Variants in CSMD1 observed in about 807,000 individuals in gnomAD.
CSMD1 encodes CUB and sushi domain-containing protein 1.
CSMD1 carries 213 observed loss-of-function variants against 417.5 expected under a neutral mutation model. That is an observed-to-expected ratio of 0.51 (90% confidence interval 0.46 to 0.57). The LOEUF is 0.57. CSMD1 is among the 20% of genes least tolerant of loss of function. The pLI is 0.00. For missense variants in CSMD1, 6,923 were observed against 4,529.7 expected (o/e 1.53, Z -15.17); for synonymous variants, 2,862 against 1,736.8 (o/e 1.65, Z -16.11).
intron 52 of CSMD1, among the ~76,000 whole-genome samples, chr8:3,014,440 T>A (rs1808667778): frequency 6.6e-6 from 1 of 152,208 alleles, no homozygotes; most frequent in Admixed American, 6.6e-5. Flanking sequence ...ACAATCACAC[T>A]GGATATGAGT....
chr8:4,534,872 C>G (rs1182032282), intron 2 of CSMD1, among the ~76,000 whole-genome samples: 1 of 152,160 alleles, frequency 6.6e-6, no homozygotes, highest in East Asian at 1.9e-4. Context: ...ATGTCACTCT[C>G]CTGCCTCAGC....
At chr8:4,181,634 ATTGCCTG>A (rs1798382698) in intron 3 of CSMD1, among the ~76,000 whole-genome samples, 3 of 152,178 alleles carry the variant, frequency 2.0e-5, no homozygotes, top group African/African-American at 7.2e-5. Context: ...TTTACATTCC[ATTGCCTG>A]TAAGAAAAGT....
At chr8:3,862,230 C>A (rs1261918000) in intron 5 of CSMD1, among the ~76,000 whole-genome samples, 3 of 152,164 alleles carry the variant, frequency 2.0e-5, no homozygotes, top group Non-Finnish European at 4.4e-5. Flanking sequence ...ACTGCCTTAA[C>A]CTACCTCATA....
At chr8:4,455,435 A>AG (rs1187691064) in intron 2 of CSMD1, among the ~76,000 whole-genome samples, 40 of 152,286 alleles carry the variant, frequency 2.6e-4, no homozygotes, top group African/African-American at 8.7e-4. Flanking sequence ...CAAATGATGG[A>AG]GAAATGATAC....
chr8:3,188,934 A>C lies in CSMD1; in HGVS notation c.5476T>G (p.Leu1826Val), dbSNP rs1311813336. The C allele has an allele frequency of 1.2e-6, 2 of 1,610,338 alleles. No homozygotes were observed. Among genetic ancestry groups the C allele is most frequent in the Non-Finnish European group, 1.7e-6 (2 of 1,178,300 alleles). The change falls in exon 35 of 70, where the codon TTG becomes GTG. Residue 1826 changes from leucine (L) to valine (V), a missense_variant. Physicochemically the swap from Leu to Val is conservative, Grantham distance 32. Transcript: ENST00000635120. The part of the protein sequence containing the change: ...PGYPEPYGNN[L>V]NCIWKIIVTE... ...ACTATGATCTTCCATATACAGTTCA[A>C]GTTGTTTCCGTATGGCTCAGGGTAG...
intron 49 of CSMD1, among the ~76,000 whole-genome samples, chr8:3,078,254 T>G (rs772941430): frequency 2.6e-5 from 4 of 152,200 alleles, no homozygotes; most frequent in Non-Finnish European, 4.4e-5. Context: ...AAAATTACCC[T>G]TTTTGAACAC....
chr8:3,043,064 T>A (rs896856664), intron 50 of CSMD1, among the ~76,000 whole-genome samples: 8 of 151,292 alleles, frequency 5.3e-5, no homozygotes, highest in Non-Finnish European at 8.8e-5. Flanking sequence ...GTATATATAG[T>A]ACTATAATGC....
At chr8:4,105,350 G>A (rs926872039) in intron 3 of CSMD1, among the ~76,000 whole-genome samples, 2 of 148,580 alleles carry the variant, frequency 1.3e-5, no homozygotes, top group African/African-American at 2.5e-5. Flanking sequence ...TTTTTTTTAT[G>A]TTTATATGTG....
chr8:3,430,681 C>T (rs576937580), intron 12 of CSMD1, among the ~76,000 whole-genome samples: 1 of 152,160 alleles, frequency 6.6e-6, no homozygotes, highest in South Asian at 2.1e-4. Context: ...ATGGCAGGTG[C>T]CTGTAATCCC....
chr8:3,620,550 G>T (rs995574175), intron 7 of CSMD1, among the ~76,000 whole-genome samples: 4 of 152,150 alleles, frequency 2.6e-5, no homozygotes, highest in African/African-American at 4.8e-5. Flanking sequence ...TGTAAGGATT[G>T]AAGTTTTCGT....
intron 5 of CSMD1, among the ~76,000 whole-genome samples, chr8:3,894,328 C>T (rs529588104): frequency 8.5e-5 from 13 of 152,252 alleles, no homozygotes; most frequent in South Asian, 8.3e-4. Flanking sequence ...GAAAGCTTTG[C>T]TCTGGATTTT....
At chr8:3,875,497 G>A (rs931275929) in intron 5 of CSMD1, among the ~76,000 whole-genome samples, 1 of 152,078 alleles carries the variant, frequency 6.6e-6, no homozygotes, top group Non-Finnish European at 1.5e-5. Flanking sequence ...TCACTGGCAT[G>A]GAGAGGTGGA....
At chr8:3,585,508 G>T (rs1432627854) in intron 9 of CSMD1, among the ~76,000 whole-genome samples, 1 of 151,838 alleles carries the variant, frequency 6.6e-6, no homozygotes, top group African/African-American at 2.4e-5. Flanking sequence ...ATAATTTTCT[G>T]CTTTTCAATA....
chr8:3,671,038 G>GAT (rs1229769739), intron 7 of CSMD1, among the ~76,000 whole-genome samples: 3 of 111,656 alleles, frequency 2.7e-5, no homozygotes, highest in Non-Finnish European at 6.5e-5. Flanking sequence ...ATGCATATGG[G>GAT]ATATATATGT....
At chr8:4,929,729 T>C (rs377534236) in intron 1 of CSMD1, among the ~76,000 whole-genome samples, 3 of 152,260 alleles carry the variant, frequency 2.0e-5, no homozygotes, top group East Asian at 3.9e-4. Flanking sequence ...ACTTGACAAA[T>C]GGGGTGACAT....
chr8:3,646,364 C>T (rs1485442138), intron 7 of CSMD1, among the ~76,000 whole-genome samples: 1 of 152,010 alleles, frequency 6.6e-6, no homozygotes, highest in Non-Finnish European at 1.5e-5. Context: ...TATTTTCCAA[C>T]TTTTTTCTAT....
intron 1 of CSMD1, among the ~76,000 whole-genome samples, chr8:4,833,639 A>C (rs1800284099): frequency 6.6e-6 from 1 of 152,232 alleles, no homozygotes; most frequent in South Asian, 2.1e-4. Flanking sequence ...GTATCTCTGC[A>C]ACAGAGTAGA....
At chr8:3,095,789 G>C (rs186090050) in intron 47 of CSMD1, among the ~76,000 whole-genome samples, 1 of 152,094 alleles carries the variant, frequency 6.6e-6, no homozygotes, top group East Asian at 1.9e-4. Context: ...TTCACACAAA[G>C]AGAAATATTA....
At chr8:3,780,292 G>T (rs1469010543) in intron 5 of CSMD1, among the ~76,000 whole-genome samples, 8 of 152,200 alleles carry the variant, frequency 5.3e-5, no homozygotes, top group Non-Finnish European at 1.2e-4. Flanking sequence ...TGAGCAATTA[G>T]TTCGTATTCC....
Sources: allele counts gnomAD v4.1 joint callset (sites outside exome capture counted in the v4.1 genomes callset), GRCh38; gene constraint gnomAD v4.1.1; transcripts MANE v1.5; gene names NCBI Gene and HGNC (gene_info 2026-07-23, HGNC 2026-07-21).